NBPF15: variants seen among roughly 807,000 people sequenced by gnomAD.
NBPF15 encodes the protein NBPF member 15.
Under a neutral mutation model 62.2 loss-of-function variants are expected in NBPF15, and 74 were observed. The observed-to-expected ratio is 1.19, with a 90% confidence interval of 0.99 to 1.44. The LOEUF is 1.44. NBPF15 is among the 40% of genes most tolerant of loss of function. The pLI, the probability that NBPF15 is intolerant of heterozygous loss-of-function variation, is 0.00. For synonymous variants in NBPF15, 244 were observed against 209.7 expected, an observed-to-expected ratio of 1.16 and a Z score of -1.41; for missense variants, 790 against 550.0, an observed-to-expected ratio of 1.44 and a Z score of -4.36.
chr1:144,428,236 A>C (rs79726668), intron 15 of NBPF15, among the ~76,000 whole-genome samples: 1 of 151,416 alleles, frequency 6.6e-6, no homozygotes, highest in Non-Finnish European at 1.5e-5. Context: ...TGAATTGGTC[A>C]GGTGACACAC....
intron 9 of NBPF15, among the ~76,000 whole-genome samples, chr1:144,437,494 G>T (rs1181632610): frequency 1.4e-4 from 21 of 147,360 alleles, no homozygotes; most frequent in African/African-American, 5.1e-4. Flanking sequence ...AATGAGGCCA[G>T]GTGCAGATGG....
At chr1:144,434,984 C>T in intron 12 of NBPF15, 127 bp downstream of exon 12, 1 of 1,561,746 alleles carries the variant, frequency 6.4e-7, no homozygotes, top group Non-Finnish European at 8.8e-7. Context: ...AAAAAACTCC[C>T]TGATATCTGT....
intron 8 of NBPF15, among the ~76,000 whole-genome samples, chr1:144,439,389 T>C (rs1284703139): frequency 1.3e-5 from 2 of 152,058 alleles, no homozygotes; most frequent in South Asian, 2.1e-4. Context: ...TCACCAAGTT[T>C]CCCTCAGAGT....
rs1692965205 is a variant in NBPF15 at position 144,454,208 on chromosome 1, CA to C, written c.-432+2328del. Among the ~76,000 whole-genome samples, 2 of 143,542 alleles carry C rather than the reference CA, an allele frequency of 1.4e-5. 1 individual carries two copies. Among genetic ancestry groups the C allele is most frequent in the African/African-American group, 5.9e-5 (2 of 34,088 alleles). 94.2% of individuals were successfully genotyped at this position (143,542 alleles called of 152,430 possible). ...AAGTAGTAAAACGATGAGTGGTTGT[CA>C]GGGGTGGAGGAGAGGAGGAGGCACG... is the stretch of plus-strand genomic sequence containing the variant. On this transcript the variant is annotated intron_variant, in intron 4 of 21. Transcript: ENST00000581897.
At chr1:144,460,037 T>C (rs1651475864) in intron 2 of NBPF15, among the ~76,000 whole-genome samples, 1 of 115,466 alleles carries the variant, frequency 8.7e-6, no homozygotes, top group South Asian at 3.5e-4. Flanking sequence ...TTTTTTTTTT[T>C]TTTTTTTTTT....
intron 6 of NBPF15, among the ~76,000 whole-genome samples, chr1:144,444,060 T>G (rs1444782516): frequency 7.2e-5 from 11 of 152,094 alleles, no homozygotes; most frequent in African/African-American, 2.7e-4. Flanking sequence ...CTGTAATGTC[T>G]TGTAAATACT....
At chr1:144,429,215 C>G (rs1553539867) in intron 14 of NBPF15, among the ~76,000 whole-genome samples, 1 of 150,238 alleles carries the variant, frequency 6.7e-6, no homozygotes, top group Non-Finnish European at 1.5e-5. Context: ...TTAGAAGACA[C>G]AGAAAATGGG....
At chr1:144,447,528 G>A (rs1553544522) in intron 6 of NBPF15, among the ~76,000 whole-genome samples, 1 of 151,940 alleles carries the variant, frequency 6.6e-6, no homozygotes, top group Admixed American at 6.6e-5. Flanking sequence ...ACACAGGGGA[G>A]CCAGGGATGC....
At position 144,461,542 on chromosome 1, in the gene NBPF15, CAG is replaced by C. The variant is rs2102983277; in HGVS notation, c.-1101_-1100del. On this transcript the variant is annotated 5_prime_UTR_variant, in exon 1 of 22. It adds an upstream start codon to the 5' untranslated region. Transcript: ENST00000581897. The stretch of plus-strand genomic sequence containing the variant: ...CGTTCCCAAAAGCACCGCGTTCACT[CAG>C]ATGCTCACGCAGCCTCGCGACCCTC... 1 of 153,236 alleles carries C rather than the reference CAG, an allele frequency of 6.5e-6. No individual in the cohort carries two copies. The highest frequency in any genetic ancestry group is 2.4e-5 in the African/African-American group (1 of 41,562). The allele number at this position is 153,236 out of a possible 1,614,324, so 9.5% of individuals were successfully genotyped here. A position where few individuals can be genotyped will look rare whatever the true frequency, so the allele number is the denominator to read the frequency against.
chr1:144,439,543 T>A (rs1227954614), intron 8 of NBPF15, among the ~76,000 whole-genome samples: 1 of 152,072 alleles, frequency 6.6e-6, no homozygotes, highest in Non-Finnish European at 1.5e-5. Context: ...CTTGAAAACA[T>A]GATTGAGCCT....
In NBPF15 at chr1:144,442,166, A is replaced by G. The variant is rs1433804207; in HGVS notation, c.-190-1871T>C. On this transcript the variant is annotated intron_variant, in intron 6 of 21. Coordinates refer to ENST00000581897, the MANE Select transcript of NBPF15 (RefSeq NM_001385408.1). ...ATATATAATATATATACACGTGTAT[A>G]TATATATATATATAATATATATACA... is the stretch of plus-strand genomic sequence containing the variant. Among the ~76,000 whole-genome samples, 4 of 80,504 alleles carry G rather than the reference A, an allele frequency of 5.0e-5. 2 individuals are homozygous for G. Among genetic ancestry groups the G allele is most frequent in the African/African-American group, 1.4e-4 (2 of 14,488 alleles). The allele number at this position is 80,504 out of a possible 152,430, so 52.8% of individuals were successfully genotyped here.
chr1:144,447,410 A>T (rs1688358177), intron 6 of NBPF15, among the ~76,000 whole-genome samples: 1 of 151,672 alleles, frequency 6.6e-6, no homozygotes, highest in South Asian at 2.1e-4. Flanking sequence ...ATTGCCAGAT[A>T]CTCAGTGCCA....
intron 4 of NBPF15, among the ~76,000 whole-genome samples, chr1:144,455,655 C>T (rs1415775209): frequency 6.6e-5 from 10 of 152,122 alleles, no homozygotes; most frequent in East Asian, 1.9e-4. Context: ...GGTCTGACAT[C>T]GTCCATTTGT....
At chr1:144,442,217 TAA>T (rs1683854211) in intron 6 of NBPF15, among the ~76,000 whole-genome samples, 2 of 103,688 alleles carry the variant, frequency 1.9e-5, no homozygotes, top group African/African-American at 5.1e-5. Flanking sequence ...TTAATATATA[TAA>T]TATATATATT....
At chr1:144,442,164 AT>A (rs1683603537) in intron 6 of NBPF15, among the ~76,000 whole-genome samples, 4 of 658 alleles carry the variant, frequency 6.1e-3, no homozygotes, top group African/African-American at 0.016. Flanking sequence ...ATACACGTGT[AT>A]ATATATATAT....
Position 144,452,365 on chromosome 1 carries a change from A to T in NBPF15, c.-431-1495T>A, listed in dbSNP as rs1257562955. On this transcript the variant is annotated intron_variant, in intron 4 of 21. Coordinates refer to ENST00000581897, the MANE Select transcript of NBPF15 (RefSeq NM_001385408.1). ...CTACTATTATGTTCCCCCAAAAACC[A>T]TCCCTAGAATGCAATCTCTTCTCTA... Among the ~76,000 whole-genome samples the T allele has an allele frequency of 4.7e-4, 72 of 152,028 alleles. 1 individual carries two copies. The highest frequency in any genetic ancestry group is 1.5e-3 in the African/African-American group (64 of 41,424).
intron 20 of NBPF15, among the ~76,000 whole-genome samples, chr1:144,424,379 G>A (rs1668052614): frequency 6.6e-6 from 1 of 151,566 alleles, no homozygotes; most frequent in South Asian, 2.1e-4. Flanking sequence ...AGTGAAAAAG[G>A]AAATCTACAA....
At chr1:144,433,332 G>T (rs1388090138) in intron 13 of NBPF15, among the ~76,000 whole-genome samples, 1 of 151,984 alleles carries the variant, frequency 6.6e-6, no homozygotes, top group Non-Finnish European at 1.5e-5. Context: ...AGCACTAAAT[G>T]CCCACAAGAG....
Position 144,422,749 on chromosome 1 carries a change from T to C in NBPF15, c.*264A>G. ...GAGGAATTTTGTAGCTACCCAGAGA[T>C]ACGTGGTTCAAATTAAAATGTCTGA... On this transcript the variant is annotated 3_prime_UTR_variant, in exon 22 of 22. Coordinates refer to ENST00000581897, the MANE Select transcript of NBPF15 (RefSeq NM_001385408.1). 1 of 738,386 alleles carries C rather than the reference T, an allele frequency of 1.4e-6. No individual in the cohort carries two copies. Among genetic ancestry groups the C allele is most frequent in the Admixed American group, 3.0e-5 (1 of 33,438 alleles). 45.7% of individuals were successfully genotyped at this position (738,386 alleles called of 1,614,324 possible).
Sources: allele counts gnomAD v4.1 joint callset (sites outside exome capture counted in the v4.1 genomes callset), GRCh38; gene constraint gnomAD v4.1.1; transcripts MANE v1.5; gene names NCBI Gene and HGNC (gene_info 2026-07-23, HGNC 2026-07-21).